RBFOX1: variants seen among roughly 807,000 people sequenced by gnomAD.
RBFOX1 encodes RNA binding protein fox-1 homolog 1.
In RBFOX1, 8 loss-of-function variants were observed where a neutral mutation model predicts 57.7. The ratio of observed to expected loss-of-function variants is 0.14; its 90% CI spans 0.08 to 0.25. The LOEUF is 0.25. Ranked by LOEUF, RBFOX1 falls within the 10% of genes least tolerant of loss-of-function variation. RBFOX1 has a pLI of 1.00. For missense variants in RBFOX1, 611 were observed against 548.5 expected (o/e 1.11, Z -1.14); for synonymous variants, 326 against 222.4 (o/e 1.47, Z -4.15).
intron 3 of RBFOX1, among the ~76,000 whole-genome samples, chr16:5,807,579 A>G (rs1369670659): frequency 2.0e-5 from 3 of 152,230 alleles, no homozygotes; most frequent in Non-Finnish European, 2.9e-5. Flanking sequence ...ACTTAATTGC[A>G]TAGGTAACCA....
intron 2 of RBFOX1, among the ~76,000 whole-genome samples, chr16:6,536,630 A>T (rs894249993): frequency 6.6e-6 from 1 of 152,056 alleles, no homozygotes; most frequent in Non-Finnish European, 1.5e-5. Flanking sequence ...CAGCAAACAG[A>T]AGTGTTTCTT....
At chr16:5,684,384 G>C in intron 3 of RBFOX1, among the ~76,000 whole-genome samples, 1 of 152,268 alleles carries the variant, frequency 6.6e-6, no homozygotes, top group Non-Finnish European at 1.5e-5. Context: ...GGATGTCTCT[G>C]CTTCACCAGA....
At chr16:6,063,707 C>A (rs553667169) in intron 1 of RBFOX1, among the ~76,000 whole-genome samples, 2 of 152,076 alleles carry the variant, frequency 1.3e-5, no homozygotes, top group Admixed American at 1.3e-4. Flanking sequence ...GGGGTCCTGT[C>A]ACCAGGGCAA....
intron 2 of RBFOX1, among the ~76,000 whole-genome samples, chr16:6,451,105 C>T (rs1198435027): frequency 1.3e-5 from 2 of 151,434 alleles, no homozygotes; most frequent in Non-Finnish European, 2.9e-5. Flanking sequence ...CTCTTCCTTT[C>T]TCATCCCATG....
intron 3 of RBFOX1, among the ~76,000 whole-genome samples, chr16:5,857,823 G>A (rs992819973): frequency 1.3e-5 from 2 of 152,050 alleles, no homozygotes; most frequent in African/African-American, 4.8e-5. Flanking sequence ...GTGAGTGCCT[G>A]TAGTCCCAGT....
At chr16:6,523,863 T>C (rs1395111538) in intron 2 of RBFOX1, among the ~76,000 whole-genome samples, 1 of 152,198 alleles carries the variant, frequency 6.6e-6, no homozygotes, top group African/African-American at 2.4e-5. Context: ...CAGTTTTTTA[T>C]ATTTAATTTT....
chr16:6,942,930 T>C (rs926851847), intron 3 of RBFOX1, among the ~76,000 whole-genome samples: 13 of 152,304 alleles, frequency 8.5e-5, no homozygotes. Flanking sequence ...AGGGCTCGCA[T>C]TGGAGATTCG....
intron 4 of RBFOX1, among the ~76,000 whole-genome samples, chr16:7,206,939 G>A (rs984277031): frequency 6.6e-6 from 1 of 152,120 alleles, no homozygotes; most frequent in South Asian, 2.1e-4. Context: ...TTTCTGTTCT[G>A]TGTGGTAGTC....
At chr16:5,977,956 G>C (rs2060098562) in intron 4 of RBFOX1, among the ~76,000 whole-genome samples, 2 of 151,656 alleles carry the variant, frequency 1.3e-5, no homozygotes, top group Admixed American at 1.3e-4. Context: ...ACATTGCCAT[G>C]CTGGCTTCAA....
chr16:6,247,717 A>G (rs1385955170), intron 1 of RBFOX1, among the ~76,000 whole-genome samples: 1 of 152,232 alleles, frequency 6.6e-6, no homozygotes, highest in Non-Finnish European at 1.5e-5. Context: ...TGTCAAAGCT[A>G]GGATTCAAAC....
At chr16:7,433,964 G>T (rs1480891691) in intron 4 of RBFOX1, among the ~76,000 whole-genome samples, 1 of 152,162 alleles carries the variant, frequency 6.6e-6, no homozygotes, top group African/African-American at 2.4e-5. Context: ...ATAGTTAAGT[G>T]CAATTTTGAG....
intron 4 of RBFOX1, among the ~76,000 whole-genome samples, chr16:7,263,091 C>A (rs563889787): frequency 1.2e-4 from 18 of 152,266 alleles, no homozygotes; most frequent in African/African-American, 3.6e-4. Context: ...TCTGAATAGC[C>A]CTTATTCCTT....
rs2097906052 is a variant in RBFOX1 at position 6,604,973 on chromosome 16, A to C, written c.-63-49630A>C. Among the ~76,000 whole-genome samples, 3 of 152,092 alleles carry C rather than the reference A, an allele frequency of 2.0e-5. 1 individual carries two copies. In the South Asian group the frequency reaches 6.2e-4, roughly 32 times the overall value. On this transcript the variant is annotated intron_variant, in intron 2 of 15. Coordinates refer to ENST00000550418, the MANE Select transcript of RBFOX1 (RefSeq NM_018723.4). Reference sequence around the variant, plus strand: ...GACATGGCAAAACCTCATCTTTACCAAAAAAAGTAAAATAAAATTATATAT... The same window carrying C: ...GACATGGCAAAACCTCATCTTTACCCAAAAAAGTAAAATAAAATTATATAT...
chr16:5,399,668 C>G (rs1000218766), intron 1 of RBFOX1, among the ~76,000 whole-genome samples: 2 of 151,798 alleles, frequency 1.3e-5, no homozygotes, highest in Non-Finnish European at 2.9e-5. Context: ...CACAGGAGAT[C>G]AAGGCTGCAG....
chr16:6,611,526 T>G (rs1567876118), intron 2 of RBFOX1, among the ~76,000 whole-genome samples: 1 of 152,196 alleles, frequency 6.6e-6, no homozygotes, highest in Non-Finnish European at 1.5e-5. Context: ...CGTGTGATTC[T>G]GGTACTCATA....
chr16:7,391,674 TC>T (rs2098025968), intron 4 of RBFOX1, among the ~76,000 whole-genome samples: 1 of 152,238 alleles, frequency 6.6e-6, no homozygotes, highest in African/African-American at 2.4e-5. Flanking sequence ...ATGATACTCT[TC>T]CCCCAAAAGA....
chr16:6,622,479 T>C (rs2098247384), intron 2 of RBFOX1, among the ~76,000 whole-genome samples: 1 of 152,186 alleles, frequency 6.6e-6, no homozygotes, highest in South Asian at 2.1e-4. Context: ...ATATAGAGTG[T>C]GTGTGTGTAG....
At chr16:7,475,258 C>T (rs1397892525) in intron 4 of RBFOX1, among the ~76,000 whole-genome samples, 1 of 150,218 alleles carries the variant, frequency 6.7e-6, no homozygotes, top group Non-Finnish European at 1.5e-5. Context: ...AACACTCCTT[C>T]AAAGGGAGGA....
At chr16:6,805,839 G>A (rs559634360) in intron 3 of RBFOX1, among the ~76,000 whole-genome samples, 1 of 152,148 alleles carries the variant, frequency 6.6e-6, no homozygotes, top group South Asian at 2.1e-4. Context: ...ATCTATCTCC[G>A]CCTTTCTCCT....
Sources: allele counts gnomAD v4.1 joint callset (sites outside exome capture counted in the v4.1 genomes callset), GRCh38; gene constraint gnomAD v4.1.1; transcripts MANE v1.5; gene names NCBI Gene and HGNC (gene_info 2026-07-23, HGNC 2026-07-21).